SGCZ: variants seen among roughly 807,000 people sequenced by gnomAD.
The protein encoded by SGCZ is sarcoglycan zeta, also known as zeta-sarcoglycan.
A neutral mutation model predicts 41.3 loss-of-function variants in SGCZ; 40 were observed. The ratio of observed to expected loss-of-function variants is 0.97; its 90% CI spans 0.75 to 1.26. SGCZ has a LOEUF of 1.26. Ranked by LOEUF, SGCZ falls within the 50% of genes most tolerant of loss-of-function variation. The pLI is 0.00. For missense variants in SGCZ, 552 were observed against 369.8 expected, an observed-to-expected ratio of 1.49 and a Z score of -4.04; for synonymous variants, 206 against 137.5, an observed-to-expected ratio of 1.50 and a Z score of -3.49.
At chr8:15,204,877 G>A (rs1801010975) in intron 1 of SGCZ, among the ~76,000 whole-genome samples, 1 of 152,110 alleles carries the variant, frequency 6.6e-6, no homozygotes, top group African/African-American at 2.4e-5. Flanking sequence ...ATACGATTCA[G>A]TGCCAAATCC....
chr8:14,593,605 A>T (rs942074426), intron 1 of SGCZ, among the ~76,000 whole-genome samples: 2 of 152,202 alleles, frequency 1.3e-5, no homozygotes, highest in Admixed American at 1.3e-4. Flanking sequence ...TGAAGGTGTA[A>T]GTGTTTCCAA....
At chr8:15,109,948 T>G (rs552023298) in intron 1 of SGCZ, among the ~76,000 whole-genome samples, 2 of 152,332 alleles carry the variant, frequency 1.3e-5, no homozygotes, top group South Asian at 4.1e-4. Context: ...CATTAAACTT[T>G]TAATGTTACA....
At chr8:14,266,723 C>T (rs1206376631) in intron 3 of SGCZ, among the ~76,000 whole-genome samples, 2 of 152,068 alleles carry the variant, frequency 1.3e-5, no homozygotes, top group East Asian at 1.9e-4. Flanking sequence ...TGAGACACTT[C>T]CAGTTGTCTA....
rs1028141173 is a variant in SGCZ, at chr8:15,033,354, G to C, written c.39+204231C>G. Among the ~76,000 whole-genome samples the C allele has an allele frequency of 4.6e-5, 7 of 151,814 alleles. No homozygotes were observed. In the East Asian group the frequency reaches 1.2e-3, roughly 25 times the overall value. ...AAAGCACCCATGGCTCCAGGAACCA[G>C]GCTAGCACAAATAATCCCAGGCTCC... On this transcript the variant is annotated intron_variant, in intron 1 of 7. Transcript: ENST00000382080.
chr8:14,669,136 A>G (rs1180870098), intron 1 of SGCZ, among the ~76,000 whole-genome samples: 1 of 151,890 alleles, frequency 6.6e-6, no homozygotes. Context: ...GGAGTCCAAC[A>G]CCAGCCTGAG....
rs1009103478 is a variant in SGCZ at position 14,294,585 on chromosome 8, G to C, written c.336+29518C>G. Among the ~76,000 whole-genome samples, 11 of 151,932 alleles carry C rather than the reference G, an allele frequency of 7.2e-5. No homozygotes were observed. In the East Asian group the frequency reaches 1.5e-3, roughly 21 times the overall value. ...TTAAATCAAACTTTAAGATTGTTAG[G>C]GATGCTCTGATTCTTGAAGAAAACT... On this transcript the variant is annotated intron_variant, in intron 3 of 7. Transcript: ENST00000382080.
At chr8:14,372,886 A>G (rs1803963654) in intron 2 of SGCZ, among the ~76,000 whole-genome samples, 1 of 152,148 alleles carries the variant, frequency 6.6e-6, no homozygotes, top group South Asian at 2.1e-4. Context: ...CTTAGTAGTT[A>G]ATTGTAAAGG....
At chr8:14,144,699 T>G (rs2116933248) in intron 5 of SGCZ, among the ~76,000 whole-genome samples, 1 of 152,312 alleles carries the variant, frequency 6.6e-6, no homozygotes. Context: ...GCTCCAGGAC[T>G]TGACTCTTGG....
intron 1 of SGCZ, among the ~76,000 whole-genome samples, chr8:15,087,728 TA>T (rs1356642809): frequency 1.3e-5 from 2 of 152,188 alleles, no homozygotes; most frequent in African/African-American, 4.8e-5. Flanking sequence ...TCAGCTAACC[TA>T]GTATTAACAT....
At chr8:15,200,385 G>A (rs1301812895) in intron 1 of SGCZ, among the ~76,000 whole-genome samples, 1 of 152,038 alleles carries the variant, frequency 6.6e-6, no homozygotes, top group African/African-American at 2.4e-5. Context: ...GCCATCACTG[G>A]TACCTCCTGT....
intron 1 of SGCZ, among the ~76,000 whole-genome samples, chr8:14,725,866 G>A (rs141218481): frequency 2.7e-4 from 41 of 152,184 alleles, no homozygotes; most frequent in South Asian, 8.3e-4. Flanking sequence ...AGATGGAAAG[G>A]CGATTACTAA....
At chr8:14,192,544 G>A (rs1019097288) in intron 4 of SGCZ, among the ~76,000 whole-genome samples, 2 of 151,750 alleles carry the variant, frequency 1.3e-5, no homozygotes, top group Non-Finnish European at 3.0e-5. Context: ...CATTGCATAT[G>A]ATATTTGAGT....
chr8:14,175,316 A>C (rs1476136203), intron 4 of SGCZ, among the ~76,000 whole-genome samples: 2 of 152,272 alleles, frequency 1.3e-5, no homozygotes, highest in South Asian at 2.1e-4. Context: ...AAGGAAATGA[A>C]GACAGCTCAA....
intron 2 of SGCZ, among the ~76,000 whole-genome samples, chr8:14,434,841 A>G (rs998161578): frequency 6.6e-6 from 1 of 152,158 alleles, no homozygotes; most frequent in Admixed American, 6.6e-5. Context: ...AGGTAGGACA[A>G]TCGCTTGAGC....
intron 1 of SGCZ, among the ~76,000 whole-genome samples, chr8:15,016,770 G>A (rs1252269843): frequency 6.6e-6 from 1 of 152,124 alleles, no homozygotes; most frequent in Non-Finnish European, 1.5e-5. Flanking sequence ...AGTTCTGCAG[G>A]CTGTATAAGC....
intron 1 of SGCZ, among the ~76,000 whole-genome samples, chr8:14,603,720 A>AT (rs1805662934): frequency 6.6e-6 from 1 of 152,048 alleles, no homozygotes; most frequent in Admixed American, 6.6e-5. Context: ...GTTGTTGTTA[A>AT]TTTTTCACAG....
At chr8:14,181,639 G>C (rs902173776) in intron 4 of SGCZ, among the ~76,000 whole-genome samples, 9 of 152,198 alleles carry the variant, frequency 5.9e-5, no homozygotes, top group Non-Finnish European at 1.2e-4. Context: ...TCTCATGGTA[G>C]TGAATGAGTC....
In SGCZ at chr8:14,111,557, G is replaced by A. The variant is rs554621773; in HGVS notation, c.548-3322C>T. 3.3e-5 allele frequency among the ~76,000 whole-genome samples: 5 copies of A among 152,150 alleles called. No homozygotes were observed. The South Asian group carries it at 6.2e-4, about 19-fold the overall frequency. ...GTTTGTTTTTCATTGCTATTTTAAG[G>A]GGCTGTTCAAAAGGGTACAATGTTC... On this transcript the variant is annotated intron_variant, in intron 5 of 7. Transcript: ENST00000382080.
At chr8:14,196,681 T>C (rs1008091196) in intron 4 of SGCZ, among the ~76,000 whole-genome samples, 1 of 152,146 alleles carries the variant, frequency 6.6e-6, no homozygotes, top group Non-Finnish European at 1.5e-5. Flanking sequence ...AGTAAATGTA[T>C]GCAATGGAAT....
Sources: allele counts gnomAD v4.1 joint callset (sites outside exome capture counted in the v4.1 genomes callset), GRCh38; gene constraint gnomAD v4.1.1; transcripts MANE v1.5; gene names NCBI Gene and HGNC (gene_info 2026-07-23, HGNC 2026-07-21).